Variants in CABP5 observed in about 807,000 individuals in gnomAD.
CABP5 encodes calcium-binding protein 5.
A neutral mutation model predicts 21.9 loss-of-function variants in CABP5; 17 were observed. That is an observed-to-expected ratio of 0.78 (90% CI 0.53 to 1.17). CABP5 has a LOEUF of 1.17. Among genes scored for constraint, CABP5 ranks in the 50% most tolerant of loss-of-function variants. CABP5 has a pLI of 0.00. For synonymous variants in CABP5, 85 were observed against 79.4 expected (o/e 1.07, Z -0.37); for missense variants, 229 against 228.9 (o/e 1.00, Z 0.00).
At position 48,030,406 on chromosome 19, in the gene CABP5, C is replaced by T. The variant is rs1203683431; in HGVS notation, c.*151G>A. On this transcript the variant is annotated 3_prime_UTR_variant, in exon 6 of 6. Transcript: ENST00000293255. ...GGCAAAGATACCGCTCTGGGTCTCACCCCATGCACAGCGCCGCATGCCAAT... is the reference window on the plus strand; with the variant it reads ...GGCAAAGATACCGCTCTGGGTCTCATCCCATGCACAGCGCCGCATGCCAAT... The T allele has an allele frequency of 1.6e-5, 11 of 693,274 alleles. 1 individual carries two copies. Among genetic ancestry groups the T allele is most frequent in the Middle Eastern group, 3.6e-4 (1 of 2,808 alleles). 42.9% of individuals were successfully genotyped at this position (693,274 alleles called of 1,614,324 possible).
intron 4 of CABP5, among the ~76,000 whole-genome samples, chr19:48,035,877 G>C (rs534581083): frequency 6.6e-6 from 1 of 152,328 alleles, no homozygotes; most frequent in East Asian, 1.9e-4. Flanking sequence ...AGTAAGACAA[G>C]AAGCCACTGG....
chr19:48,033,724 A>C (rs1967371446), intron 5 of CABP5, among the ~76,000 whole-genome samples: 1 of 152,192 alleles, frequency 6.6e-6, no homozygotes, highest in South Asian at 2.1e-4. Context: ...AGTTTTCTCC[A>C]AAAGGTGTCA....
At chr19:48,031,611 G>C (rs952592002) in intron 5 of CABP5, among the ~76,000 whole-genome samples, 2 of 152,156 alleles carry the variant, frequency 1.3e-5, no homozygotes, top group Admixed American at 6.6e-5. Flanking sequence ...GGAGGGATAA[G>C]TGTCACTTTA....
chr19:48,029,828 G>GAGAGACAGAGAGAGAC lies in CABP5; in HGVS notation c.*728_*729insGTCTCTCTCTGTCTCT, dbSNP rs1555737226. ...AGAGAGAGAGAGAGAGAGAGAGAGA[G>GAGAGACAGAGAGAGAC]AGAGAGAGAAACCAGACAGTGCTTC... On this transcript the variant is annotated 3_prime_UTR_variant, in exon 6 of 6. Coordinates refer to ENST00000293255, the MANE Select transcript of CABP5 (RefSeq NM_019855.5). 1.1e-4 allele frequency: 16 copies of GAGAGACAGAGAGAGAC among 150,528 alleles called. No individual in the cohort carries two copies. The highest frequency in any genetic ancestry group is 4.0e-4 in the African/African-American group (16 of 40,402). 9.3% of individuals were successfully genotyped at this position (150,528 alleles called of 1,614,324 possible).
rs35063174 is a variant in CABP5 at position 48,030,599 on chromosome 19, A to G, written c.497-17T>C. ...TCACAAACTCTGCAAAGAAAAAAAA[A>G]AATCCCCAGTAAGGCATCTCGTTGT... On this transcript the variant is annotated splice_polypyrimidine_tract_variant and intron_variant, in intron 5 of 5. Transcript: ENST00000293255. 0.26 allele frequency: 416,837 copies of G among 1,610,804 alleles called. 58,252 individuals carry two copies. The highest frequency in any genetic ancestry group is 0.32 in the Middle Eastern group (1,943 of 6,048).
chr19:48,030,523 C>A lies in CABP5; in HGVS notation c.*34G>T, dbSNP rs374963604. On this transcript the variant is annotated 3_prime_UTR_variant, in exon 6 of 6. Coordinates refer to ENST00000293255, the MANE Select transcript of CABP5 (RefSeq NM_019855.5). ...CCACAAGCGCTTGCTCCATGTTGACCAGGTGGAGAGGGTCTGGAGCTTCCA... is the reference window on the plus strand; with the variant it reads ...CCACAAGCGCTTGCTCCATGTTGACAAGGTGGAGAGGGTCTGGAGCTTCCA... 1.6e-4 allele frequency: 258 copies of A among 1,601,666 alleles called. No homozygotes were observed. The highest frequency in any genetic ancestry group is 2.2e-4 in the Non-Finnish European group (257 of 1,175,436).
chr19:48,039,157 C>G, intron 4 of CABP5, 51 bp downstream of exon 4: 1 of 1,454,010 alleles, frequency 6.9e-7, no homozygotes, highest in South Asian at 1.1e-5. Flanking sequence ...ACAGGCAGAC[C>G]TCAGAGGGTC....
At chr19:48,037,021 A>G (rs1037779549) in intron 4 of CABP5, among the ~76,000 whole-genome samples, 11 of 152,162 alleles carry the variant, frequency 7.2e-5, no homozygotes, top group Admixed American at 1.3e-4. Context: ...GCTATTATGG[A>G]AAATGGTATG....
chr19:48,032,758 T>C (rs1275661227), intron 5 of CABP5, among the ~76,000 whole-genome samples: 2 of 151,744 alleles, frequency 1.3e-5, no homozygotes, highest in African/African-American at 4.8e-5. Context: ...AGCCCCCGTA[T>C]AGCCTGGGAC....
intron 3 of CABP5, among the ~76,000 whole-genome samples, chr19:48,039,532 C>T (rs1967453121): frequency 6.6e-6 from 1 of 152,002 alleles, no homozygotes; most frequent in African/African-American, 2.4e-5. Flanking sequence ...GAAGTAACTG[C>T]CTGTGTGACT....
intron 1 of CABP5, 104 bp downstream of exon 1, chr19:48,043,756 A>G: frequency 1.0e-6 from 1 of 982,710 alleles, no homozygotes; most frequent in Non-Finnish European, 1.4e-6. Context: ...TGCTCTATCC[A>G]CCTGTTCCCC....
chr19:48,038,865 G>A (rs1415805632), intron 4 of CABP5, among the ~76,000 whole-genome samples: 2 of 151,998 alleles, frequency 1.3e-5, no homozygotes, highest in Non-Finnish European at 2.9e-5. Flanking sequence ...AGAGATGGCA[G>A]GATCTTGGAT....
At chr19:48,031,253 T>C (rs1967336004) in intron 5 of CABP5, among the ~76,000 whole-genome samples, 1 of 151,974 alleles carries the variant, frequency 6.6e-6, no homozygotes, top group Non-Finnish European at 1.5e-5. Flanking sequence ...TAAACAGCTA[T>C]TGTTGGCCGG....
chr19:48,042,607 C>T (rs1967495773), intron 1 of CABP5, among the ~76,000 whole-genome samples: 1 of 150,872 alleles, frequency 6.6e-6, no homozygotes, highest in South Asian at 2.1e-4. Flanking sequence ...CACAGTCTCG[C>T]TCTGTCACCC....
chr19:48,032,635 C>CTTTTCTTTT (rs751098070), intron 5 of CABP5, among the ~76,000 whole-genome samples: 1 of 128,040 alleles, frequency 7.8e-6, no homozygotes, highest in Non-Finnish European at 1.8e-5. Flanking sequence ...GCCTTTTTTT[C>CTTTTCTTTT]TTTTTTTCTT....
chr19:48,040,272 T>C (rs377572673), intron 3 of CABP5, among the ~76,000 whole-genome samples: 19 of 152,318 alleles, frequency 1.2e-4, no homozygotes, highest in African/African-American at 4.3e-4. Flanking sequence ...CTTCCTTCTC[T>C]TCCTTTCCAC....
intron 1 of CABP5, among the ~76,000 whole-genome samples, chr19:48,043,649 T>G (rs1442015181): frequency 6.7e-6 from 1 of 149,088 alleles, no homozygotes; most frequent in Non-Finnish European, 1.5e-5. Context: ...TCTCCTTCTC[T>G]TTGCTCCTGA....
intron 1 of CABP5, among the ~76,000 whole-genome samples, chr19:48,042,565 T>A (rs1004912527): frequency 2.3e-5 from 3 of 130,026 alleles, no homozygotes; most frequent in Non-Finnish European, 3.2e-5. Context: ...TCACCCTTTT[T>A]TTCATTCTCT....
intron 5 of CABP5, among the ~76,000 whole-genome samples, chr19:48,031,975 G>C (rs1261334915): frequency 1.3e-5 from 2 of 151,420 alleles, no homozygotes; most frequent in Non-Finnish European, 2.9e-5. Flanking sequence ...CTAGGATGGA[G>C]GCCTTGGAAG....
Sources: gnomAD v4.1 joint callset for allele counts (sites outside exome capture counted in the v4.1 genomes callset) on GRCh38, gnomAD v4.1.1 for gene constraint, MANE v1.5 for transcripts, NCBI Gene and HGNC (gene_info 2026-07-23, HGNC 2026-07-21) for gene names.